The following ARHGEF3 variants were observed in gnomAD, a reference collection of about 807,000 sequenced individuals.
The protein encoded by ARHGEF3 is 59.8 kDA protein.
In ARHGEF3, 28 loss-of-function variants were observed where a neutral mutation model predicts 63.2. The observed-to-expected ratio is 0.44, with a 90% confidence interval of 0.33 to 0.61. The LOEUF is 0.61. ARHGEF3 is among the 20% of genes least tolerant of loss of function. The pLI is 0.03. For missense variants in ARHGEF3, 533 were observed against 659.3 expected, an observed-to-expected ratio of 0.81 and a Z score of 2.10; for synonymous variants, 266 against 254.2, an observed-to-expected ratio of 1.05 and a Z score of -0.44.
chr3:56,804,819 G>A (rs1235163024), upstream of ARHGEF3, among the ~76,000 whole-genome samples: 1 of 152,154 alleles, frequency 6.6e-6, no homozygotes, highest in Admixed American at 6.5e-5. Context: ...AAGCTTGGTG[G>A]GGGTGTGAGA....
intron 2 of ARHGEF3, among the ~76,000 whole-genome samples, chr3:56,761,236 A>G (rs768777762): frequency 2.0e-5 from 3 of 152,194 alleles, no homozygotes; most frequent in Non-Finnish European, 4.4e-5. Context: ...TGTTCATAAC[A>G]GCACTGACCA....
chr3:56,943,552 A>G (rs1699297079), intron 3 of ARHGEF3, among the ~76,000 whole-genome samples: 1 of 152,156 alleles, frequency 6.6e-6, no homozygotes, highest in Non-Finnish European at 1.5e-5. Context: ...ATGCCTGCTA[A>G]CTCAACATCA....
chr3:56,775,016 T>G, intron 1 of ARHGEF3: 1 of 1,544,774 alleles, frequency 6.5e-7, no homozygotes, highest in African/African-American at 1.4e-5. Context: ...CCTCCTAAGC[T>G]CCATCTGACC....
intron 2 of ARHGEF3, among the ~76,000 whole-genome samples, chr3:56,969,920 A>C (rs887247403): frequency 1.3e-5 from 2 of 152,310 alleles, no homozygotes; most frequent in Admixed American, 1.3e-4. Context: ...GAAAACATGC[A>C]AAGTGAAAGA....
chr3:56,774,964 G>T, intron 1 of ARHGEF3: 1 of 1,424,944 alleles, frequency 7.0e-7, no homozygotes, highest in South Asian at 1.4e-5. Context: ...AATGATGATA[G>T]ACAAAACATT....
chr3:56,931,363 C>T (rs1265421963), intron 3 of ARHGEF3, among the ~76,000 whole-genome samples: 1 of 151,954 alleles, frequency 6.6e-6, no homozygotes, highest in Non-Finnish European at 1.5e-5. Context: ...ATCACTTAAG[C>T]CCAAGAGTTC....
rs557415584 is a variant in ARHGEF3, at chr3:56,931,636, G to A, written c.129+27187C>T. ...TCTTTTTCCTAAAAAAACCAAATTT[G>A]CAATCTGTAGTTATCTGAGTTTCAT... On this transcript the variant is annotated intron_variant, in intron 3 of 12. Coordinates refer to the ARHGEF3 transcript ENST00000338458. Among the ~76,000 whole-genome samples, 134 of 144,720 alleles carry A rather than the reference G, an allele frequency of 9.3e-4. 3 individuals carry two copies. Among genetic ancestry groups the A allele is most frequent in the African/African-American group, 3.3e-3 (128 of 39,068 alleles). The allele number at this position is 144,720 out of a possible 152,430, so 94.9% of individuals were successfully genotyped here.
At chr3:56,995,664 AGAGAGAG>A (rs2106981611) in intron 2 of ARHGEF3, among the ~76,000 whole-genome samples, 1 of 123,358 alleles carries the variant, frequency 8.1e-6, no homozygotes, top group South Asian at 2.8e-4. Flanking sequence ...AGAGAGAGAG[AGAGAGAG>A]AATTTTTTTT....
intron 1 of ARHGEF3, among the ~76,000 whole-genome samples, chr3:56,786,722 TA>T (rs2036838152): frequency 6.6e-6 from 1 of 152,086 alleles, no homozygotes; most frequent in East Asian, 1.9e-4. Flanking sequence ...CCTGTGAATA[TA>T]AAAAAATGAT....
At chr3:56,742,816 T>C (rs1022283639) in intron 7 of ARHGEF3, among the ~76,000 whole-genome samples, 1 of 152,250 alleles carries the variant, frequency 6.6e-6, no homozygotes, top group African/African-American at 2.4e-5. Flanking sequence ...AACAGCTTCA[T>C]ACTTTATGCA....
At position 56,860,971 on chromosome 3, in the gene ARHGEF3, A is replaced by G. The variant is rs186654509; in HGVS notation, c.192+21321T>C. Among the ~76,000 whole-genome samples, 22 of 152,328 alleles carry G rather than the reference A, an allele frequency of 1.4e-4. No homozygotes were observed. The East Asian group carries it at 4.2e-3, about 29-fold the overall frequency. On this transcript the variant is annotated intron_variant, in intron 4 of 12. Coordinates refer to the ARHGEF3 transcript ENST00000338458. Reference sequence around the variant, plus strand: ...CTTTATGAGTGGTCTCTAGGCCCACAATGAAAAGGCAATGCGGCAGAAATA... The same window carrying G: ...CTTTATGAGTGGTCTCTAGGCCCACGATGAAAAGGCAATGCGGCAGAAATA...
At chr3:56,837,468 G>T (rs1256471145) in intron 4 of ARHGEF3, among the ~76,000 whole-genome samples, 1 of 152,172 alleles carries the variant, frequency 6.6e-6, no homozygotes, top group Non-Finnish European at 1.5e-5. Context: ...AAGAAGCTCT[G>T]CCTGACAGTC....
chr3:56,810,188 A>G lies in ARHGEF3; in HGVS notation c.193-36372T>C, dbSNP rs867093858. Among the ~76,000 whole-genome samples the G allele has an allele frequency of 4.6e-5, 7 of 152,202 alleles. No individual in the cohort carries two copies. In the South Asian group the frequency reaches 1.0e-3, roughly 22 times the overall value. ...TTTCTCCTCCATCAACTACAAACTC[A>G]GTAATCAAAGTACCGTATTTTGTCG... On this transcript the variant is annotated intron_variant, in intron 4 of 12. Transcript: ENST00000338458.
chr3:56,955,232 G>A (rs1404072036), intron 3 of ARHGEF3, among the ~76,000 whole-genome samples: 1 of 100,556 alleles, frequency 9.9e-6, no homozygotes, highest in South Asian at 3.2e-4. Flanking sequence ...GTCTCTCTTT[G>A]TTGCCCAAGC....
intron 3 of ARHGEF3, among the ~76,000 whole-genome samples, chr3:56,883,488 G>A (rs1490205262): frequency 4.6e-5 from 7 of 151,890 alleles, no homozygotes; most frequent in Admixed American, 3.3e-4. Context: ...GTAGAGAGGG[G>A]GTCTTGCCAT....
At chr3:56,911,936 G>GA (rs1164426565) in intron 3 of ARHGEF3, among the ~76,000 whole-genome samples, 13 of 138,788 alleles carry the variant, frequency 9.4e-5, no homozygotes, top group South Asian at 2.3e-4. Flanking sequence ...GTCTCTAAAA[G>GA]AAAAAAAAAA....
chr3:56,853,057 A>T (rs916367413), intron 4 of ARHGEF3, among the ~76,000 whole-genome samples: 38 of 152,324 alleles, frequency 2.5e-4, no homozygotes, highest in African/African-American at 9.1e-4. Context: ...AGATTTTTAA[A>T]CTTTGAATTT....
At chr3:56,833,691 T>C (rs952495467) in intron 4 of ARHGEF3, among the ~76,000 whole-genome samples, 4 of 152,192 alleles carry the variant, frequency 2.6e-5, no homozygotes, top group African/African-American at 9.7e-5. Flanking sequence ...TGAGATTGGT[T>C]CTCTAAGGCT....
chr3:56,799,182 C>T (rs1359688991), intron 1 of ARHGEF3, among the ~76,000 whole-genome samples: 2 of 152,090 alleles, frequency 1.3e-5, no homozygotes, highest in African/African-American at 2.4e-5. Flanking sequence ...ACTCAGTGTA[C>T]GGTATCAAAT....
Sources: gnomAD v4.1 joint callset for allele counts (sites outside exome capture counted in the v4.1 genomes callset) on GRCh38, gnomAD v4.1.1 for gene constraint, MANE v1.5 for transcripts, NCBI Gene and HGNC (gene_info 2026-07-23, HGNC 2026-07-21) for gene names.